Variants in HACE1 observed in about 807,000 individuals in gnomAD.
HACE1 encodes the protein E3 ubiquitin-protein ligase HACE1.
Under a neutral mutation model 118.4 loss-of-function variants are expected in HACE1, and 73 were observed. The observed-to-expected ratio is 0.62, with a 90% CI of 0.51 to 0.75. HACE1 has a LOEUF of 0.75. Ranked by LOEUF, HACE1 falls within the 30% of genes least tolerant of loss-of-function variation. HACE1 has a pLI of 0.00. For synonymous variants in HACE1, 368 were observed against 374.8 expected (o/e 0.98, Z 0.21); for missense variants, 749 against 1,102.2 (o/e 0.68, Z 4.54).
At chr6:104,736,943 T>C (rs559050535) in intron 22 of HACE1, among the ~76,000 whole-genome samples, 1 of 152,174 alleles carries the variant, frequency 6.6e-6, no homozygotes, top group South Asian at 2.1e-4. Context: ...ATTTTCCAAA[T>C]TTTCTACAAT....
intron 22 of HACE1, among the ~76,000 whole-genome samples, chr6:104,742,470 A>G (rs1776869451): frequency 6.6e-6 from 1 of 151,918 alleles, no homozygotes; most frequent in Non-Finnish European, 1.5e-5. Context: ...TACAAGAAAA[A>G]AACAAACAAC....
intron 5 of HACE1, among the ~76,000 whole-genome samples, chr6:104,833,596 C>A (rs979454318): frequency 2.0e-5 from 3 of 152,150 alleles, no homozygotes; most frequent in Middle Eastern, 3.2e-3. Context: ...GTAATCCCAG[C>A]ACTTTGGGAA....
At chr6:104,784,556 T>C in intron 12 of HACE1, 71 bp from the exon 13 acceptor site, 1 of 1,036,746 alleles carries the variant, frequency 9.6e-7, no homozygotes, top group Non-Finnish European at 1.5e-6. Context: ...ACTTGATAAA[T>C]ATATACTGAA....
rs982040245 is a variant in HACE1 at position 104,790,081 on chromosome 6, G to C, written c.1074+1423C>G. 4.7e-5 allele frequency among the ~76,000 whole-genome samples: 7 copies of C among 148,438 alleles called. No individual in the cohort carries two copies. The East Asian group carries it at 1.2e-3, about 25-fold the overall frequency. ...GTGGCACAATAAGAAAAAAAAAAAA[G>C]AAAACAAAAATACACACTCAACGTG... On this transcript the variant is annotated intron_variant, in intron 11 of 23. Transcript: ENST00000262903.
intron 5 of HACE1, 120 bp downstream of exon 5, chr6:104,843,103 T>C (rs1027308551): frequency 1.4e-5 from 10 of 725,428 alleles, no homozygotes; most frequent in Non-Finnish European, 2.5e-5. Flanking sequence ...AGAGCGAGAC[T>C]CTGTCTCAAA....
chr6:104,831,950 GA>G (rs1773946483), intron 6 of HACE1, among the ~76,000 whole-genome samples: 5 of 101,602 alleles, frequency 4.9e-5, no homozygotes, highest in African/African-American at 1.8e-4. Flanking sequence ...GAAGAGAAGA[GA>G]AGAGAAGAGA....
chr6:104,756,939 C>T (rs115220680), intron 19 of HACE1, among the ~76,000 whole-genome samples: 78 of 152,348 alleles, frequency 5.1e-4, no homozygotes, highest in African/African-American at 1.1e-3. Context: ...GCCTTGCTTG[C>T]TGCCAGCACA....
At position 104,784,501 on chromosome 6, in the gene HACE1, A is replaced by T; in HGVS notation, c.1410-16T>A. On this transcript the variant is annotated splice_polypyrimidine_tract_variant and intron_variant, in intron 12 of 23. Transcript: ENST00000262903. The stretch of plus-strand genomic sequence containing the variant: ...TGAAGTCATTCTGTGGGGGGAAAAC[A>T]TCAATCAGAATACACAGGCAAAAGT... 1 of 1,570,040 alleles carries T rather than the reference A, an allele frequency of 6.4e-7. No individual in the cohort carries two copies. The highest frequency in any genetic ancestry group is 8.8e-7 in the Non-Finnish European group (1 of 1,139,962).
rs180703814 is a variant in HACE1 at position 104,835,661 on chromosome 6, G to A, written c.403-2488C>T. ...AAAGACAGAAAAAGAAATCATGAAA[G>A]TAATAATTTATGAATATTTCTCATA... On this transcript the variant is annotated intron_variant, in intron 5 of 23. Transcript: ENST00000262903. Among the ~76,000 whole-genome samples, 92 of 152,220 alleles carry A rather than the reference G, an allele frequency of 6.0e-4. 1 individual carries two copies. Among genetic ancestry groups the A allele is most frequent in the South Asian group, 2.1e-3 (10 of 4,820 alleles).
At chr6:104,794,787 C>A (rs1008263466) in intron 10 of HACE1, among the ~76,000 whole-genome samples, 2 of 152,080 alleles carry the variant, frequency 1.3e-5, no homozygotes, top group Non-Finnish European at 2.9e-5. Flanking sequence ...TGCCTGTAAT[C>A]CCAGCTACTT....
At chr6:104,785,509 A>G in intron 11 of HACE1, 190 bp from the exon 12 acceptor site, 3 of 556,182 alleles carry the variant, frequency 5.4e-6, no homozygotes, top group Non-Finnish European at 9.5e-6. Context: ...CATAAATGAC[A>G]ATTTCTTCAT....
chr6:104,850,449 C>T (rs73768844), intron 3 of HACE1, among the ~76,000 whole-genome samples: 2 of 152,202 alleles, frequency 1.3e-5, no homozygotes, highest in African/African-American at 4.8e-5. Context: ...TTAATTTCAA[C>T]ACATCTACCT....
At chr6:104,801,289 C>A (rs1004165922) in intron 7 of HACE1, among the ~76,000 whole-genome samples, 2 of 152,180 alleles carry the variant, frequency 1.3e-5, no homozygotes, top group African/African-American at 4.8e-5. Flanking sequence ...TTGGAAAACA[C>A]TCTTTAGGAT....
intron 5 of HACE1, among the ~76,000 whole-genome samples, chr6:104,841,014 G>A (rs912421879): frequency 1.1e-4 from 17 of 151,768 alleles, no homozygotes; most frequent in South Asian, 4.2e-4. Flanking sequence ...CCAGCTACTC[G>A]GGAGGCTGAG....
intron 6 of HACE1, among the ~76,000 whole-genome samples, chr6:104,820,531 A>T (rs1438482302): frequency 6.6e-6 from 1 of 152,234 alleles, no homozygotes; most frequent in African/African-American, 2.4e-5. Context: ...GGCAAAGGAC[A>T]TGAACAGACA....
At chr6:104,853,615 CA>C (rs986951149) in intron 1 of HACE1, among the ~76,000 whole-genome samples, 7 of 152,218 alleles carry the variant, frequency 4.6e-5, no homozygotes, top group African/African-American at 1.7e-4. Context: ...TACACAGTAT[CA>C]AGTACCTCTC....
At chr6:104,735,712 C>T (rs940045509) in intron 22 of HACE1, among the ~76,000 whole-genome samples, 3 of 151,988 alleles carry the variant, frequency 2.0e-5, no homozygotes, top group African/African-American at 7.2e-5. Flanking sequence ...CATCAATACC[C>T]TTCTAGAAGA....
At chr6:104,737,647 A>G (rs966037439) in intron 22 of HACE1, among the ~76,000 whole-genome samples, 5 of 152,168 alleles carry the variant, frequency 3.3e-5, no homozygotes, top group African/African-American at 1.2e-4. Flanking sequence ...GCACCACGAG[A>G]TTATATCCTG....
intron 5 of HACE1, 62 bp downstream of exon 5, chr6:104,843,161 A>ACATT: frequency 1.1e-6 from 1 of 895,942 alleles, no homozygotes; most frequent in Non-Finnish European, 1.9e-6. Context: ...CCTAACTGTC[A>ACATT]CATTCAATAT....
Sources: allele counts gnomAD v4.1 joint callset (sites outside exome capture counted in the v4.1 genomes callset), GRCh38; gene constraint gnomAD v4.1.1; transcripts MANE v1.5; gene names NCBI Gene and HGNC (gene_info 2026-07-23, HGNC 2026-07-21).